Variants in CHD9 observed in about 807,000 individuals in gnomAD.
The protein encoded by CHD9 is chromodomain helicase DNA binding protein 9.
In CHD9, 77 loss-of-function variants were observed where a neutral mutation model predicts 316.1. The ratio of observed to expected loss-of-function variants is 0.24; its 90% CI spans 0.20 to 0.29. The LOEUF is 0.29. CHD9 is among the 10% of genes least tolerant of loss of function. The probability of loss-of-function intolerance (pLI) is 1.00; values close to 1 mark genes in which losing one functional copy is unlikely to be tolerated. For synonymous variants in CHD9, 1,129 were observed against 1,158.3 expected (o/e 0.97, Z 0.51); for missense variants, 2,763 against 3,438.1 (o/e 0.80, Z 4.91).
In CHD9 at chr16:53,304,139, A is replaced by T; in HGVS notation, c.6133A>T (p.Met2045Leu). 1 of 1,613,084 alleles carries T rather than the reference A, an allele frequency of 6.2e-7. No homozygotes were observed. The highest frequency in any genetic ancestry group is 8.5e-7 in the Non-Finnish European group (1 of 1,179,678). ...LDAKGIILEEMKVKSENLKEE... is the reference protein window; with the variant it reads ...LDAKGIILEELKVKSENLKEE... ...TGCTAAAGGTATTATTCTAGAGGAG[A>T]TGAAAGTTAAAAGTGAAAACCTTAA... Residue 2045 changes from methionine (M) to leucine (L), a missense_variant, in exon 31 of 39, where the codon ATG becomes TTG. By Grantham distance (15) the Met-to-Leu change is conservative. Transcript: ENST00000447540.
In CHD9 at chr16:53,226,382, G is replaced by C. The variant is rs372425397; in HGVS notation, c.1913G>C (p.Arg638Pro). 6.4e-7 allele frequency: 1 copy of C among 1,564,534 alleles called. No homozygotes were observed. Among genetic ancestry groups the C allele is most frequent in the Non-Finnish European group, 8.6e-7 (1 of 1,158,338 alleles). ...DQDSQKRRSN[R>P]QIKRKKYAED... ...TCATTACAGAAAAGAAGATCAAATC[G>C]ACAAATTAAAAGAAAAAAATACGCA... The change falls in exon 5 of 39, where the codon CGA (arginine) becomes CCA (proline). Residue 638 changes from arginine (R) to proline (P), a missense_variant. Around this residue, in one of 15 missense-constraint regions of CHD9, gnomAD observed 859 missense variants for 890.4 expected, o/e 0.96. Transcript: ENST00000447540.
At chr16:53,109,417 C>T (rs2037645967) in intron 1 of CHD9, among the ~76,000 whole-genome samples, 4 of 152,230 alleles carry the variant, frequency 2.6e-5, no homozygotes, top group Non-Finnish European at 5.9e-5. Flanking sequence ...ATAATCAATG[C>T]AAGAAAGCAG....
At position 53,238,532 on chromosome 16, in the gene CHD9, C is replaced by T. The variant is rs1357000105; in HGVS notation, c.2823C>T (p.Ser941=). 6.2e-7 allele frequency: 1 copy of T among 1,612,682 alleles called. No individual in the cohort carries two copies. Among genetic ancestry groups the T allele is most frequent in the Admixed American group, 1.7e-5 (1 of 59,996 alleles). The change falls in exon 12 of 39, where the codon AGC becomes AGT. Residue 941 remains serine, a synonymous_variant. Coordinates refer to ENST00000447540, the MANE Select transcript of CHD9 (RefSeq NM_001308319.2). ...TDINVVVYHG[S]LISRQMIQQY... ...TTAACGTTGTGGTTTATCATGGGAG[C>T]CTGATTAGCAGACAAATGATACAGC...
chr16:53,228,918 T>C (rs562093600), intron 7 of CHD9, 65 bp from the exon 8 acceptor site: 27 of 756,240 alleles, frequency 3.6e-5, no homozygotes, highest in Admixed American at 2.9e-4. Context: ...GATGTTATGA[T>C]TTAAAATACA....
chr16:53,097,606 A>C (rs1320859208), intron 1 of CHD9, among the ~76,000 whole-genome samples: 3 of 152,146 alleles, frequency 2.0e-5, no homozygotes, highest in Admixed American at 1.3e-4. Flanking sequence ...AGATATTTGT[A>C]TGCTTAGTTT....
chr16:53,108,240 G>A (rs1389989242), intron 1 of CHD9, among the ~76,000 whole-genome samples: 1 of 152,192 alleles, frequency 6.6e-6, no homozygotes, highest in Non-Finnish European at 1.5e-5. Context: ...AGTGGCTCAT[G>A]CCTGTAGTCC....
At chr16:53,297,233 G>C in intron 30 of CHD9, 75 bp downstream of exon 30, 1 of 1,098,098 alleles carries the variant, frequency 9.1e-7, no homozygotes, top group Non-Finnish European at 1.4e-6. Context: ...TTTCCAATTT[G>C]TCTCTTTTAT....
At chr16:53,281,430 A>G (rs1421157590) in intron 24 of CHD9, among the ~76,000 whole-genome samples, 2 of 152,162 alleles carry the variant, frequency 1.3e-5, no homozygotes, top group African/African-American at 2.4e-5. Context: ...CCAAATCCCT[A>G]GTCCAAGCTG....
Position 53,156,099 on chromosome 16 carries a change from C to T in CHD9, c.10C>T (p.Pro4Ser). MTDPMMDFFDDANL... is the reference protein window; with the variant it reads MTDSMMDFFDDANL... ...TTACAGAATTTTCAAGATGACAGAT[C>T]CAATGATGGACTTTTTTGATGATGC... Residue 4 changes from proline to serine, a missense_variant, in exon 2 of 39, where the codon CCA (proline) becomes TCA (serine). By Grantham distance (74) the Pro-to-Ser change is moderately conservative. Around this residue, in one of 15 missense-constraint regions of CHD9, gnomAD observed 859 missense variants for 890.4 expected, o/e 0.96. Transcript: ENST00000447540. 6.2e-7 allele frequency: 1 copy of T among 1,611,634 alleles called. No individual in the cohort carries two copies. The highest frequency in any genetic ancestry group is 8.5e-7 in the Non-Finnish European group (1 of 1,178,590).
chr16:53,199,712 T>C (rs2045267403), intron 2 of CHD9, among the ~76,000 whole-genome samples: 2 of 152,192 alleles, frequency 1.3e-5, no homozygotes, highest in African/African-American at 2.4e-5. Context: ...TAGTTTCCAT[T>C]TGCTTCTTAA....
At chr16:53,305,379 A>G (rs973851342) in intron 31 of CHD9, among the ~76,000 whole-genome samples, 1 of 152,222 alleles carries the variant, frequency 6.6e-6, no homozygotes, top group Non-Finnish European at 1.5e-5. Flanking sequence ...TAAGTTTTAT[A>G]TATACAAATG....
intron 1 of CHD9, among the ~76,000 whole-genome samples, chr16:53,097,368 C>CTTCCTTCCTTCCTTCCTTCT (rs2036468181): frequency 6.7e-6 from 1 of 148,842 alleles, no homozygotes; most frequent in East Asian, 2.0e-4. Flanking sequence ...TCCTTCCTTC[C>CTTCCTTCCTTCCTTCCTTCT]TTCCTTCCTT....
At chr16:53,192,427 GGT>G (rs1418169695) in intron 2 of CHD9, among the ~76,000 whole-genome samples, 1 of 152,168 alleles carries the variant, frequency 6.6e-6, no homozygotes, top group African/African-American at 2.4e-5. Context: ...GAAGTCTAGT[GGT>G]ATTAGCTTCT....
At position 53,106,665 on chromosome 16, in the gene CHD9, C is replaced by T. The variant is rs903559606; in HGVS notation, c.-164-49261C>T. Reference sequence around the variant, plus strand: ...CCTCAGACACACATACATACACACACACACACACACACACAGCGCGATGTG... The same window carrying T: ...CCTCAGACACACATACATACACACATACACACACACACACAGCGCGATGTG... On this transcript the variant is annotated intron_variant, in intron 1 of 38. Coordinates refer to ENST00000447540, the MANE Select transcript of CHD9 (RefSeq NM_001308319.2). 7.0e-4 allele frequency among the ~76,000 whole-genome samples: 107 copies of T among 152,122 alleles called. 2 individuals are homozygous for T. The South Asian group carries it at 0.02, about 28-fold the overall frequency.
At chr16:53,113,467 C>A (rs1275503220) in intron 1 of CHD9, among the ~76,000 whole-genome samples, 18 of 150,100 alleles carry the variant, frequency 1.2e-4, no homozygotes, top group Non-Finnish European at 4.4e-5. Flanking sequence ...TACATGCTAC[C>A]ACGCCCAGCT....
At chr16:53,198,684 A>G (rs986249070) in intron 2 of CHD9, among the ~76,000 whole-genome samples, 1 of 152,146 alleles carries the variant, frequency 6.6e-6, no homozygotes, top group Non-Finnish European at 1.5e-5. Flanking sequence ...TTTCTATTCC[A>G]TGTGATATTT....
At chr16:53,075,524 GGA>G (rs1215685989) in intron 1 of CHD9, among the ~76,000 whole-genome samples, 1 of 152,120 alleles carries the variant, frequency 6.6e-6, no homozygotes, top group Non-Finnish European at 1.5e-5. Context: ...GGACCCAGTG[GGA>G]GATAATTTGA....
At chr16:53,263,864 G>T (rs1398430802) in intron 20 of CHD9, among the ~76,000 whole-genome samples, 1 of 152,054 alleles carries the variant, frequency 6.6e-6, no homozygotes, top group Non-Finnish European at 1.5e-5. Flanking sequence ...ATTGGCATAT[G>T]GCATGTTCAT....
At chr16:53,210,530 C>T (rs2046247719) in intron 3 of CHD9, among the ~76,000 whole-genome samples, 1 of 151,874 alleles carries the variant, frequency 6.6e-6, no homozygotes, top group Admixed American at 6.6e-5. Flanking sequence ...TTATAATTTG[C>T]TTTATAGGTG....
Sources: allele counts gnomAD v4.1 joint callset (sites outside exome capture counted in the v4.1 genomes callset), GRCh38; gene constraint gnomAD v4.1.1; regional missense constraint gnomAD v4.1.1; transcripts MANE v1.5; gene names NCBI Gene and HGNC (gene_info 2026-07-23, HGNC 2026-07-21).